The following FBRSL1 variants were observed in gnomAD, a reference collection of about 807,000 sequenced individuals.
FBRSL1 encodes fibrosin-1-like protein.
In FBRSL1, 51 loss-of-function variants were observed where a neutral mutation model predicts 89.6. That is an observed-to-expected ratio of 0.57 (90% CI 0.45 to 0.72). The LOEUF (loss-of-function observed/expected upper bound fraction) is 0.72, where lower values mean the gene tolerates loss of function less well. FBRSL1 is among the 30% of genes least tolerant of loss of function. The pLI, the probability that FBRSL1 is intolerant of heterozygous loss-of-function variation, is 0.00. For synonymous variants in FBRSL1, 779 were observed against 681.1 expected (o/e 1.14, Z -2.24); for missense variants, 1,618 against 1,451.8 (o/e 1.11, Z -1.86).
chr12:132,518,771 C>T (rs928327812), intron 2 of FBRSL1, among the ~76,000 whole-genome samples: 1 of 151,662 alleles, frequency 6.6e-6, no homozygotes, highest in Non-Finnish European at 1.5e-5. Flanking sequence ...CACATCCATC[C>T]ATCCACCCAT....
intron 4 of FBRSL1, among the ~76,000 whole-genome samples, chr12:132,532,141 G>T (rs374090896): frequency 3.0e-4 from 46 of 151,098 alleles, no homozygotes; most frequent in African/African-American, 1.0e-3. Flanking sequence ...TTCTGGAGGG[G>T]CCTTTGGCCA....
intron 15 of FBRSL1, 105 bp downstream of exon 15, chr12:132,577,036 C>T: frequency 7.0e-7 from 1 of 1,419,910 alleles, no homozygotes; most frequent in Non-Finnish European, 9.4e-7. Context: ...TGGACCGCAG[C>T]ACCAGCCTTT....
rs2041024831 is a variant in FBRSL1, at chr12:132,584,851, C to CACAA, written c.*1074_*1075insCAAA. On this transcript the variant is annotated 3_prime_UTR_variant, in exon 19 of 19. Coordinates refer to ENST00000680143, the MANE Select transcript of FBRSL1 (RefSeq NM_001367871.1). ...ACACACACACACACACACACACACA[C>CACAA]AAAATCACTGCTGTGTGTTTTCTTC... is the stretch of plus-strand genomic sequence containing the variant. The CACAA allele has an allele frequency of 1.3e-5, 2 of 152,264 alleles. No individual in the cohort carries two copies. Among genetic ancestry groups the CACAA allele is most frequent in the Non-Finnish European group, 2.9e-5 (2 of 68,208 alleles). The allele number at this position is 152,264 out of a possible 1,614,324, so 9.4% of individuals were successfully genotyped here.
intron 2 of FBRSL1, chr12:132,509,117 C>A: frequency 1.7e-6 from 2 of 1,186,020 alleles, no homozygotes; most frequent in Non-Finnish European, 2.1e-6. Context: ...GGGGGTTCCG[C>A]GGGCGGTGAC....
At chr12:132,527,748 G>A (rs2035918872) in intron 3 of FBRSL1, among the ~76,000 whole-genome samples, 1 of 142,250 alleles carries the variant, frequency 7.0e-6, no homozygotes, top group Non-Finnish European at 1.6e-5. Flanking sequence ...TGAGGGCTGT[G>A]GGGCTGTGGG....
At chr12:132,542,956 A>C (rs2037389756) in intron 4 of FBRSL1, among the ~76,000 whole-genome samples, 1 of 152,154 alleles carries the variant, frequency 6.6e-6, no homozygotes, top group South Asian at 2.1e-4. Context: ...GGCAGCCCCA[A>C]CCCCAACCCG....
chr12:132,582,084 C>A lies in FBRSL1; in HGVS notation c.2019C>A (p.Ala673=), dbSNP rs1052048239. 2.6e-6 allele frequency: 4 copies of A among 1,548,210 alleles called. No individual in the cohort carries two copies. The highest frequency in any genetic ancestry group is 2.6e-6 in the Non-Finnish European group (3 of 1,145,694). Residue 673 remains alanine (A), a synonymous_variant, in exon 18 of 19, where the codon GCC becomes GCA. Coordinates refer to ENST00000680143, the MANE Select transcript of FBRSL1 (RefSeq NM_001367871.1). The part of the protein sequence containing the change: ...HALAPGGSIF[A]PKEGSSVHGL... ...CAGCTCCCGGTGGCAGCATCTTTGC[C>A]CCCAAGGAGGGCTCCTCCGTGCACG...
intron 14 of FBRSL1, 139 bp downstream of exon 14, chr12:132,574,703 T>C: frequency 1.8e-6 from 2 of 1,133,652 alleles, no homozygotes; most frequent in Non-Finnish European, 2.4e-6. Flanking sequence ...GCCTGCCCCT[T>C]CCTCTGGGTA....
chr12:132,541,344 C>G (rs2037253522), intron 4 of FBRSL1, among the ~76,000 whole-genome samples: 1 of 152,226 alleles, frequency 6.6e-6, no homozygotes, highest in African/African-American at 2.4e-5. Context: ...GCCTCACCCT[C>G]AAGTGCCAGA....
At chr12:132,544,539 A>G (rs1424599056) in intron 4 of FBRSL1, among the ~76,000 whole-genome samples, 1 of 152,164 alleles carries the variant, frequency 6.6e-6, no homozygotes, top group Non-Finnish European at 1.5e-5. Flanking sequence ...TGGGCAGACA[A>G]TGATGGTGAT....
intron 1 of FBRSL1, among the ~76,000 whole-genome samples, chr12:132,491,194 T>C (rs2030867348): frequency 6.6e-6 from 1 of 152,238 alleles, no homozygotes; most frequent in Non-Finnish European, 1.5e-5. Context: ...TCGCTCTGCC[T>C]GGTTCAGGAC....
rs545802881 is a variant in FBRSL1, at chr12:132,583,968, G to C, written c.*190G>C. ...TTTTGTTTTCCGAGTTTGGGATTCG[G>C]CTGTTGGGAAAAAAAAATCGCGTTT... is the stretch of plus-strand genomic sequence containing the variant. On this transcript the variant is annotated 3_prime_UTR_variant, in exon 19 of 19. Coordinates refer to ENST00000680143, the MANE Select transcript of FBRSL1 (RefSeq NM_001367871.1). The C allele has an allele frequency of 2.1e-5, 6 of 287,378 alleles. No homozygotes were observed. Among genetic ancestry groups the C allele is most frequent in the Non-Finnish European group, 3.9e-5 (6 of 155,558 alleles). 17.8% of individuals were successfully genotyped at this position (287,378 alleles called of 1,614,324 possible).
At position 132,583,124 on chromosome 12, in the gene FBRSL1, C is replaced by T. The variant is rs1482402360; in HGVS notation, c.2355C>T (p.Ser785=). ...EREAEPRVKE[S]RSPAKEEAAK... is the part of the protein sequence containing the mutation. Reference sequence around the variant, plus strand: ...AGGCCGAACCTCGGGTCAAGGAGAGCCGCTCCCCGGCCAAGGAGGAGGCCG... The same window carrying T: ...AGGCCGAACCTCGGGTCAAGGAGAGTCGCTCCCCGGCCAAGGAGGAGGCCG... The change falls in exon 19 of 19, where the codon AGC becomes AGT. Residue 785 remains serine (S), a synonymous_variant. Transcript: ENST00000680143. 1 of 1,460,876 alleles carries T rather than the reference C, an allele frequency of 6.8e-7. No homozygotes were observed. Among genetic ancestry groups the T allele is most frequent in the East Asian group, 3.1e-5 (1 of 32,378 alleles). The allele number at this position is 1,460,876 out of a possible 1,614,324, so 90.5% of individuals were successfully genotyped here.
At chr12:132,538,051 G>A (rs375037748) in intron 4 of FBRSL1, among the ~76,000 whole-genome samples, 1 of 152,162 alleles carries the variant, frequency 6.6e-6, no homozygotes, top group Non-Finnish European at 1.5e-5. Context: ...TTGGGGGAAC[G>A]GGCTCACCCA....
chr12:132,495,763 C>T (rs1236685642), intron 1 of FBRSL1, among the ~76,000 whole-genome samples: 2 of 152,208 alleles, frequency 1.3e-5, no homozygotes, highest in African/African-American at 2.4e-5. Flanking sequence ...CTGAAAGCAG[C>T]GTCGCTGGCC....
At chr12:132,541,316 C>T (rs1271497660) in intron 4 of FBRSL1, among the ~76,000 whole-genome samples, 2 of 152,348 alleles carry the variant, frequency 1.3e-5, no homozygotes, top group Admixed American at 6.5e-5. Flanking sequence ...TATGCCAGTA[C>T]CGTGGATGGC....
In FBRSL1 at chr12:132,570,062, G is replaced by T; in HGVS notation, c.828G>T (p.Gly276=). The T allele has an allele frequency of 1.3e-6, 2 of 1,495,096 alleles. No homozygotes were observed. Among genetic ancestry groups the T allele is most frequent in the Non-Finnish European group, 1.8e-6 (2 of 1,129,598 alleles). 92.6% of individuals were successfully genotyped at this position (1,495,096 alleles called of 1,614,324 possible). Reference sequence around the variant, plus strand: ...CGCCCCATGCCGCGCCCTGCCCGGGGCCCCCGCCCGGCTCCCGCGCCAATC... The same window carrying T: ...CGCCCCATGCCGCGCCCTGCCCGGGTCCCCCGCCCGGCTCCCGCGCCAATC... The part of the protein sequence containing the change: ...SPAPHAAPCP[G]PPPGSRANPL... The change falls in exon 7 of 19, where the codon GGG becomes GGT. Residue 276 remains glycine (G), a synonymous_variant. Transcript: ENST00000680143.
chr12:132,562,582 C>A (rs533779714), intron 5 of FBRSL1, among the ~76,000 whole-genome samples: 2 of 152,180 alleles, frequency 1.3e-5, no homozygotes, highest in African/African-American at 4.8e-5. Context: ...CCCCGGGGAC[C>A]GCACAGGGTG....
In FBRSL1 at chr12:132,508,405, C is replaced by T. The variant is rs537661211; in HGVS notation, c.489+55C>T. On this transcript the variant is annotated intron_variant, in intron 2 of 18. Coordinates refer to ENST00000680143, the MANE Select transcript of FBRSL1 (RefSeq NM_001367871.1). ...CTGCGGCGGGTCAGTGCTCACCGCCCCAGGGCCATGCCAGCACCTGGACAC... is the reference window on the plus strand; with the variant it reads ...CTGCGGCGGGTCAGTGCTCACCGCCTCAGGGCCATGCCAGCACCTGGACAC... 9.8e-6 allele frequency: 14 copies of T among 1,434,556 alleles called. No individual in the cohort carries two copies. The South Asian group carries it at 1.6e-4, about 16-fold the overall frequency. 88.9% of individuals were successfully genotyped at this position (1,434,556 alleles called of 1,614,324 possible).
Sources: allele counts gnomAD v4.1 joint callset (sites outside exome capture counted in the v4.1 genomes callset), GRCh38; gene constraint gnomAD v4.1.1; transcripts MANE v1.5; gene names NCBI Gene and HGNC (gene_info 2026-07-23, HGNC 2026-07-21).